The following ADAMTSL1 variants were observed in gnomAD, a reference collection of about 807,000 sequenced individuals.
ADAMTSL1 encodes ADAMTS like 1.
A neutral mutation model predicts 201.8 loss-of-function variants in ADAMTSL1; 126 were observed. That is an observed-to-expected ratio of 0.62 (90% CI 0.54 to 0.72). The LOEUF (loss-of-function observed/expected upper bound fraction) is 0.72, where lower values mean the gene tolerates loss of function less well. Ranked by LOEUF, ADAMTSL1 falls within the 30% of genes least tolerant of loss-of-function variation. ADAMTSL1 has a pLI of 0.00. For missense variants in ADAMTSL1, 2,679 were observed against 2,277.8 expected, an observed-to-expected ratio of 1.18 and a Z score of -3.59; for synonymous variants, 1,121 against 903.4, an observed-to-expected ratio of 1.24 and a Z score of -4.32.
chr9:18,906,182 G>C (rs1328043870), intron 27 of ADAMTSL1, among the ~76,000 whole-genome samples: 1 of 152,178 alleles, frequency 6.6e-6, no homozygotes, highest in East Asian at 1.9e-4. Context: ...ACTAGCCCCA[G>C]GGTGGTCAGG....
At chr9:18,790,494 G>C (rs748358347) in intron 19 of ADAMTSL1, among the ~76,000 whole-genome samples, 2 of 152,156 alleles carry the variant, frequency 1.3e-5, no homozygotes, top group African/African-American at 4.8e-5. Context: ...TACACCCGGA[G>C]CTGCCTTTGT....
At position 18,764,479 on chromosome 9, in the gene ADAMTSL1, A is replaced by G. The variant is rs186536551; in HGVS notation, c.2218-6123A>G. On this transcript the variant is annotated intron_variant, in intron 16 of 28. Transcript: ENST00000380548. ...CTTCTTTCTTTCCAATTTGGATGCC[A>G]TTTATATCCTTCTCTTGTCTTACTG... Among the ~76,000 whole-genome samples the G allele has an allele frequency of 1.8e-4, 28 of 152,288 alleles. No individual in the cohort carries two copies. The East Asian group carries it at 4.4e-3, about 24-fold the overall frequency.
At chr9:18,351,081 G>A (rs1476762120) in intron 2 of ADAMTSL1, among the ~76,000 whole-genome samples, 1 of 152,088 alleles carries the variant, frequency 6.6e-6, no homozygotes, top group African/African-American at 2.4e-5. Flanking sequence ...AAATTGTAAA[G>A]AGACATTAAA....
chr9:18,416,743 C>T (rs1343521328), intron 2 of ADAMTSL1, among the ~76,000 whole-genome samples: 1 of 151,932 alleles, frequency 6.6e-6, no homozygotes, highest in East Asian at 1.9e-4. Context: ...TTCTACTAAT[C>T]CACATATTTT....
At chr9:18,862,417 C>T (rs1347670312) in intron 23 of ADAMTSL1, among the ~76,000 whole-genome samples, 1 of 152,074 alleles carries the variant, frequency 6.6e-6, no homozygotes, top group Non-Finnish European at 1.5e-5. Context: ...GGGATGAGAA[C>T]AGCTATATCA....
At chr9:18,654,254 T>C (rs34005652) in intron 7 of ADAMTSL1, among the ~76,000 whole-genome samples, 17,405 of 152,272 alleles carry the variant, frequency 0.11, 1,298 homozygotes, top group Non-Finnish European at 0.16. Flanking sequence ...TGGATAAACA[T>C]TGTTTTGTAA....
chr9:18,396,576 A>G (rs1332207291), intron 2 of ADAMTSL1, among the ~76,000 whole-genome samples: 1 of 148,268 alleles, frequency 6.7e-6, no homozygotes, highest in South Asian at 2.1e-4. Context: ...TAAATTTTAC[A>G]TTAATAAATA....
At chr9:18,518,569 T>C (rs1818499918) in intron 2 of ADAMTSL1, among the ~76,000 whole-genome samples, 1 of 152,116 alleles carries the variant, frequency 6.6e-6, no homozygotes, top group South Asian at 2.1e-4. Context: ...TTTAGGCTGA[T>C]TCTATGACTT....
intron 2 of ADAMTSL1, among the ~76,000 whole-genome samples, chr9:18,298,799 G>A (rs781079249): frequency 2.0e-5 from 3 of 151,846 alleles, no homozygotes; most frequent in Admixed American, 1.3e-4. Flanking sequence ...CGCAGCGGGC[G>A]GATCACGAGG....
intron 2 of ADAMTSL1, among the ~76,000 whole-genome samples, chr9:18,216,427 A>G (rs150192303): frequency 6.6e-6 from 1 of 152,218 alleles, no homozygotes; most frequent in Non-Finnish European, 1.5e-5. Context: ...TTGCACTTGC[A>G]GTAGATGCCT....
intron 3 of ADAMTSL1, among the ~76,000 whole-genome samples, chr9:18,541,214 A>G (rs1820121659): frequency 6.6e-6 from 1 of 152,320 alleles, no homozygotes. Flanking sequence ...CTAAAAGGCT[A>G]TTACGATGTA....
At chr9:18,589,320 T>A (rs1011397927) in intron 4 of ADAMTSL1, among the ~76,000 whole-genome samples, 1 of 152,182 alleles carries the variant, frequency 6.6e-6, no homozygotes, top group Non-Finnish European at 1.5e-5. Context: ...TCTAAGGTAT[T>A]TTTTCTTTAG....
At chr9:18,311,914 T>C (rs1229597771) in intron 2 of ADAMTSL1, among the ~76,000 whole-genome samples, 1 of 152,080 alleles carries the variant, frequency 6.6e-6, no homozygotes, top group African/African-American at 2.4e-5. Flanking sequence ...GAAAAAAAAA[T>C]GTATCCCAGG....
intron 1 of ADAMTSL1, among the ~76,000 whole-genome samples, chr9:18,141,031 T>C (rs1228883199): frequency 1.3e-5 from 2 of 152,196 alleles, no homozygotes; most frequent in Non-Finnish European, 2.9e-5. Context: ...GAATGTATCA[T>C]GTGACCCAAC....
chr9:18,579,100 G>A (rs1299116895), intron 4 of ADAMTSL1, among the ~76,000 whole-genome samples: 1 of 151,642 alleles, frequency 6.6e-6, no homozygotes. Context: ...CAACCCAAAT[G>A]TCCAACAATG....
chr9:18,681,700 G>GGAGGC (rs1194806366), intron 11 of ADAMTSL1, 112 bp from the exon 12 acceptor site: 1 of 673,508 alleles, frequency 1.5e-6, no homozygotes, highest in South Asian at 3.4e-5. Flanking sequence ...CCTCGTGTGG[G>GGAGGC]GGGGGGGGGC....
chr9:18,753,377 C>T lies in ADAMTSL1; in HGVS notation c.2086C>T (p.Leu696=). The T allele has an allele frequency of 6.2e-7, 1 of 1,612,660 alleles. No individual in the cohort carries two copies. The highest frequency in any genetic ancestry group is 8.5e-7 in the Non-Finnish European group (1 of 1,179,436). ...LQTRDVFCSH[L]LSREMNETVI... Reference sequence around the variant, plus strand: ...GACCAGAGACGTCTTCTGCAGCCACCTGCTTTCCAGAGAGATGAATGAAAC... The same window carrying T: ...GACCAGAGACGTCTTCTGCAGCCACTTGCTTTCCAGAGAGATGAATGAAAC... The change falls in exon 16 of 29, where the codon CTG becomes TTG. Residue 696 remains leucine, a synonymous_variant. Coordinates refer to ENST00000380548, the MANE Select transcript of ADAMTSL1 (RefSeq NM_001040272.6).
chr9:17,931,375 G>A (rs1826779775), intron 1 of ADAMTSL1, among the ~76,000 whole-genome samples: 1 of 152,066 alleles, frequency 6.6e-6, no homozygotes. Flanking sequence ...TATTTCAATT[G>A]TATTGAGGAG....
At chr9:18,759,544 A>G (rs1819951746) in intron 16 of ADAMTSL1, among the ~76,000 whole-genome samples, 1 of 152,218 alleles carries the variant, frequency 6.6e-6, no homozygotes, top group South Asian at 2.1e-4. Flanking sequence ...CCCAGGGAGG[A>G]AAAAACTCTT....
Sources: allele counts gnomAD v4.1 joint callset (sites outside exome capture counted in the v4.1 genomes callset), GRCh38; gene constraint gnomAD v4.1.1; transcripts MANE v1.5; gene names NCBI Gene and HGNC (gene_info 2026-07-23, HGNC 2026-07-21).